KCNN3: variants seen among roughly 807,000 people sequenced by gnomAD.
KCNN3 encodes the protein potassium calcium-activated channel subfamily N member 3.
KCNN3 carries 16 observed loss-of-function variants against 62.9 expected under a neutral mutation model. The observed-to-expected ratio is 0.25, with a 90% confidence interval of 0.17 to 0.39. The LOEUF (loss-of-function observed/expected upper bound fraction) is 0.39, where lower values mean the gene tolerates loss of function less well. Ranked by LOEUF, KCNN3 falls within the 10% of genes least tolerant of loss-of-function variation. The pLI is 1.00. For missense variants in KCNN3, 599 were observed against 949.4 expected, an observed-to-expected ratio of 0.63 and a Z score of 4.85; for synonymous variants, 370 against 389.2, an observed-to-expected ratio of 0.95 and a Z score of 0.58.
chr1:154,823,535 T>C (rs1650989463), intron 1 of KCNN3, among the ~76,000 whole-genome samples: 1 of 152,188 alleles, frequency 6.6e-6, no homozygotes, highest in African/African-American at 2.4e-5. Flanking sequence ...GGGTGGCTTG[T>C]GCCAGAATTC....
chr1:154,804,673 G>A lies in KCNN3; in HGVS notation c.1029+17416C>T, dbSNP rs185506723. Among the ~76,000 whole-genome samples, 131 of 151,936 alleles carry A rather than the reference G, an allele frequency of 8.6e-4. 3 individuals are homozygous for A. The highest frequency in any genetic ancestry group is 8.4e-3 in the Admixed American group (128 of 15,258). On this transcript the variant is annotated intron_variant, in intron 2 of 7. Coordinates refer to ENST00000271915, the MANE Select transcript of KCNN3 (RefSeq NM_002249.6). Reference sequence around the variant, plus strand: ...GATCTCGGTGAAGACAAGAGTAGTAGCAATACTGGTAACATGAGCAAATAC... The same window carrying A: ...GATCTCGGTGAAGACAAGAGTAGTAACAATACTGGTAACATGAGCAAATAC...
At position 154,700,564 on chromosome 1, in the gene KCNN3, A is replaced by T. The variant is rs959231659; in HGVS notation, c.*7412T>A. ...GCCAGGCACAGTGGCTCACTTTGGG[A>T]GGCCCAGGCAGGTGGATCACGAGGT... is the stretch of plus-strand genomic sequence containing the variant. On this transcript the variant is annotated 3_prime_UTR_variant, in exon 8 of 8. Coordinates refer to ENST00000271915, the MANE Select transcript of KCNN3 (RefSeq NM_002249.6). 1 of 152,288 alleles carries T rather than the reference A, an allele frequency of 6.6e-6. No individual in the cohort carries two copies. The highest frequency in any genetic ancestry group is 6.5e-5 in the Admixed American group (1 of 15,284). The allele number at this position is 152,288 out of a possible 1,614,324, so 9.4% of individuals were successfully genotyped here. A position where few individuals can be genotyped will look rare whatever the true frequency, so the allele number is the denominator to read the frequency against.
chr1:154,755,813 GGCA>G (rs1647649622), intron 3 of KCNN3, among the ~76,000 whole-genome samples: 2 of 136,068 alleles, frequency 1.5e-5, no homozygotes, highest in African/African-American at 2.8e-5. Flanking sequence ...AGAAGAAGAA[GGCA>G]AAGAAGAAGA....
rs751979254 is a variant in KCNN3 at position 154,737,215 on chromosome 1, G to C, written c.1449-4071C>G. On this transcript the variant is annotated intron_variant, in intron 3 of 7. Coordinates refer to ENST00000271915, the MANE Select transcript of KCNN3 (RefSeq NM_002249.6). ...TTTGCAATAGAAAATTTGGGGGGGG[G>C]GGATAGCTCCATGTTTTTCTTTAAA... 53 of 256,668 alleles carry C rather than the reference G, an allele frequency of 2.1e-4. 9 individuals are homozygous for C. Among genetic ancestry groups the C allele is most frequent in the Middle Eastern group, 5.9e-4 (1 of 1,684 alleles). 15.9% of individuals were successfully genotyped at this position (256,668 alleles called of 1,614,324 possible). A position where few individuals can be genotyped will look rare whatever the true frequency, so the allele number is the denominator to read the frequency against.
At chr1:154,832,240 G>A (rs750955454) in intron 1 of KCNN3, among the ~76,000 whole-genome samples, 2 of 151,582 alleles carry the variant, frequency 1.3e-5, no homozygotes, top group African/African-American at 2.4e-5. Context: ...GAATGTGAGT[G>A]CTCTTGGCCA....
chr1:154,838,960 A>C (rs1651712349), intron 1 of KCNN3, among the ~76,000 whole-genome samples: 1 of 152,068 alleles, frequency 6.6e-6, no homozygotes, highest in African/African-American at 2.4e-5. Flanking sequence ...TACTTTACCT[A>C]CAGAAGGGCC....
At chr1:154,834,671 G>A (rs1236008491) in intron 1 of KCNN3, among the ~76,000 whole-genome samples, 1 of 152,158 alleles carries the variant, frequency 6.6e-6, no homozygotes, top group Non-Finnish European at 1.5e-5. Context: ...CAGGCTCTGA[G>A]TCTACCCATC....
intron 7 of KCNN3, among the ~76,000 whole-genome samples, chr1:154,712,500 A>C (rs1571201350): frequency 6.6e-6 from 1 of 152,164 alleles, no homozygotes; most frequent in East Asian, 1.9e-4. Context: ...CCCTTTATTA[A>C]ACAAGGCACC....
At chr1:154,747,495 C>T (rs749267608) in intron 3 of KCNN3, among the ~76,000 whole-genome samples, 9 of 152,088 alleles carry the variant, frequency 5.9e-5, no homozygotes, top group Non-Finnish European at 1.2e-4. Flanking sequence ...CATTTGTGAA[C>T]GATTTATTTT....
At chr1:154,813,042 C>T (rs147545953) in intron 2 of KCNN3, among the ~76,000 whole-genome samples, 91 of 152,314 alleles carry the variant, frequency 6.0e-4, no homozygotes, top group African/African-American at 2.0e-3. Context: ...GCCTAATCTG[C>T]CCACTTTACA....
At chr1:154,834,947 T>C (rs1453316585) in intron 1 of KCNN3, among the ~76,000 whole-genome samples, 2 of 152,152 alleles carry the variant, frequency 1.3e-5, no homozygotes, top group Admixed American at 6.5e-5. Context: ...TGCTACTTCT[T>C]TCCCCCTGAG....
In KCNN3 at chr1:154,705,593, T is replaced by C. The variant is rs887398821; in HGVS notation, c.*2383A>G. On this transcript the variant is annotated 3_prime_UTR_variant, in exon 8 of 8. Transcript: ENST00000271915. ...CCTAAGTGAGAGCATCAATGATGGG[T>C]TAAAGTCACAGACCACAATGAATAA... 1 of 152,170 alleles carries C rather than the reference T, an allele frequency of 6.6e-6. No individual in the cohort carries two copies. The highest frequency in any genetic ancestry group is 1.5e-5 in the Non-Finnish European group (1 of 68,036). 9.4% of individuals were successfully genotyped at this position (152,170 alleles called of 1,614,324 possible).
intron 6 of KCNN3, among the ~76,000 whole-genome samples, chr1:154,713,930 C>T (rs1272917216): frequency 2.9e-5 from 3 of 102,906 alleles, no homozygotes; most frequent in Admixed American, 9.9e-5. Context: ...GCATCAGCCA[C>T]GGTTTGTTTT....
Position 154,704,383 on chromosome 1 carries a change from A to G in KCNN3, c.*3593T>C, listed in dbSNP as rs2101749915. 6.6e-6 allele frequency: 1 copy of G among 152,360 alleles called. No individual in the cohort carries two copies. Among genetic ancestry groups the G allele is most frequent in the South Asian group, 2.1e-4 (1 of 4,830 alleles). 9.4% of individuals were successfully genotyped at this position (152,360 alleles called of 1,614,324 possible). A position where few individuals can be genotyped will look rare whatever the true frequency, so the allele number is the denominator to read the frequency against. ...GACAATTTATTGATGATGATCATAT[A>G]TATGTGGCCTTTGATCCAAAGGTGA... On this transcript the variant is annotated 3_prime_UTR_variant, in exon 8 of 8. Coordinates refer to ENST00000271915, the MANE Select transcript of KCNN3 (RefSeq NM_002249.6).
At chr1:154,763,848 A>T (rs559176687) in intron 3 of KCNN3, among the ~76,000 whole-genome samples, 3 of 152,376 alleles carry the variant, frequency 2.0e-5, no homozygotes, top group African/African-American at 7.2e-5. Flanking sequence ...TTTATAGGCT[A>T]CAAAGTGCTC....
At chr1:154,792,741 T>C (rs1414567609) in intron 2 of KCNN3, among the ~76,000 whole-genome samples, 6 of 152,138 alleles carry the variant, frequency 3.9e-5, no homozygotes, top group African/African-American at 1.4e-4. Context: ...CTGGACCTAT[T>C]CATGTGGGAG....
In KCNN3 at chr1:154,869,737, C is replaced by CTGCTGCTGT. The variant is rs1205505198; in HGVS notation, c.227_228insACAGCAGCA (p.Gln78_Gln80dup). On this transcript the variant is annotated inframe_insertion, in exon 1 of 8. Transcript: ENST00000271915. The surrounding 1 kb of genome is among the most constrained non-coding windows in gnomAD (Gnocchi z 6.1). ...GGGGATGCGGTGGCTGCTGCTGCTG[C>CTGCTGCTGT]TGCTGCTGCTGCTGCTGCTGCTGCT... 2.4e-5 allele frequency: 37 copies of CTGCTGCTGT among 1,529,176 alleles called. No individual in the cohort carries two copies. The Admixed American group carries it at 2.8e-4, about 12-fold the overall frequency. 94.7% of individuals were successfully genotyped at this position (1,529,176 alleles called of 1,614,324 possible). A position where few individuals can be genotyped will look rare whatever the true frequency, so the allele number is the denominator to read the frequency against.
chr1:154,802,623 C>T (rs1277095457), intron 2 of KCNN3, among the ~76,000 whole-genome samples: 1 of 152,142 alleles, frequency 6.6e-6, no homozygotes, highest in African/African-American at 2.4e-5. Flanking sequence ...GGAAGACCAA[C>T]AGCTGCAGAC....
At chr1:154,825,364 A>ATTT (rs56768657) in intron 1 of KCNN3, among the ~76,000 whole-genome samples, 3 of 118,294 alleles carry the variant, frequency 2.5e-5, no homozygotes, top group Admixed American at 8.6e-5. Context: ...GATGAGAATC[A>ATTT]TTTTTTTTTT....
Sources: gnomAD v4.1 joint callset for allele counts (sites outside exome capture counted in the v4.1 genomes callset) on GRCh38, gnomAD v4.1.1 for gene constraint, Gnocchi (gnomAD v3.1) non-coding constraint, MANE v1.5 for transcripts, NCBI Gene and HGNC (gene_info 2026-07-23, HGNC 2026-07-21) for gene names.